The following ZNF782 variants were observed in gnomAD, a reference collection of about 807,000 sequenced individuals.
ZNF782 encodes the protein zinc finger protein 782.
Under a neutral mutation model 13.0 loss-of-function variants are expected in ZNF782, and 12 were observed. The ratio of observed to expected loss-of-function variants is 0.92; its 90% CI spans 0.59 to 1.50. ZNF782 has a LOEUF of 1.50. Among genes scored for constraint, ZNF782 ranks in the 40% most tolerant of loss-of-function variants. The pLI, the probability that ZNF782 is intolerant of heterozygous loss-of-function variation, is 0.00. For missense variants in ZNF782, 770 were observed against 822.9 expected (o/e 0.94, Z 0.79); for synonymous variants, 284 against 283.0 (o/e 1.00, Z -0.04).
intron 5 of ZNF782, among the ~76,000 whole-genome samples, chr9:96,820,086 G>C (rs1200325185): frequency 1.3e-5 from 2 of 152,272 alleles, no homozygotes; most frequent in Non-Finnish European, 2.9e-5. Context: ...GTATACGTAA[G>C]AGCATTGGAT....
At chr9:96,867,857 T>C (rs1851778040) in intron 1 of ZNF782, among the ~76,000 whole-genome samples, 1 of 152,218 alleles carries the variant, frequency 6.6e-6, no homozygotes, top group African/African-American at 2.4e-5. Context: ...AGCAGCTGTG[T>C]CCTGTTTGGA....
rs1850178196 is a variant in ZNF782, at chr9:96,816,612, C to T, written c.*1311G>A. 1 of 152,116 alleles carries T rather than the reference C, an allele frequency of 6.6e-6. No homozygotes were observed. The highest frequency in any genetic ancestry group is 2.4e-5 in the African/African-American group (1 of 41,422). The allele number at this position is 152,116 out of a possible 1,614,324, so 9.4% of individuals were successfully genotyped here. Reference sequence around the variant, plus strand: ...ATATCTAGATAAAGGCTATTACTTACCTTTCTCAAATTGATAGATTTTCTC... The same window carrying T: ...ATATCTAGATAAAGGCTATTACTTATCTTTCTCAAATTGATAGATTTTCTC... On this transcript the variant is annotated 3_prime_UTR_variant, in exon 6 of 6. Coordinates refer to ENST00000481138, the MANE Select transcript of ZNF782 (RefSeq NM_001001662.3).
At chr9:96,879,868 ATTTT>A (rs561959791), upstream of ZNF782, among the ~76,000 whole-genome samples, 2 of 151,384 alleles carry the variant, frequency 1.3e-5, no homozygotes, top group Admixed American at 6.6e-5. Flanking sequence ...TCGTTTTAGG[ATTTT>A]TTTTTGTTTT....
intron 4 of ZNF782, among the ~76,000 whole-genome samples, chr9:96,829,028 C>T (rs558267181): frequency 1.4e-5 from 2 of 139,608 alleles, no homozygotes; most frequent in East Asian, 4.2e-4. Context: ...TTTTAAAGTA[C>T]TTAAAGAAAA....
chr9:96,833,096 T>G (rs973375908), intron 4 of ZNF782, among the ~76,000 whole-genome samples: 1 of 152,196 alleles, frequency 6.6e-6, no homozygotes, highest in African/African-American at 2.4e-5. Context: ...GCACATGTAA[T>G]GATTTTTTAA....
the ZNF782 span, among the ~76,000 whole-genome samples, chr9:96,911,850 G>GT: frequency 2.0e-5 from 3 of 152,116 alleles, no homozygotes; most frequent in African/African-American, 7.2e-5. Context: ...CACCATTGCA[G>GT]TAACTTTTTT....
the ZNF782 span, among the ~76,000 whole-genome samples, chr9:96,899,684 G>A: frequency 6.6e-6 from 1 of 152,314 alleles, no homozygotes; most frequent in Non-Finnish European, 1.5e-5. Flanking sequence ...GAGACTGGCA[G>A]GGAAAAGCAG....
chr9:96,888,226 A>G, the ZNF782 span: 4 of 152,220 alleles, frequency 2.6e-5, no homozygotes, highest in Admixed American at 2.6e-4. Flanking sequence ...CCATGCAAAT[A>G]TTAACTTAAA....
At chr9:96,877,362 A>G (rs1474282193), upstream of ZNF782, among the ~76,000 whole-genome samples, 2 of 152,224 alleles carry the variant, frequency 1.3e-5, no homozygotes, top group Non-Finnish European at 2.9e-5. Flanking sequence ...GGACGCGCCC[A>G]GACGTAGAGG....
the ZNF782 span, chr9:96,928,175 T>C: frequency 6.2e-6 from 1 of 160,492 alleles, no homozygotes; most frequent in Non-Finnish European, 1.4e-5. Flanking sequence ...GCAAAAGTAT[T>C]GCTTAGTTAA....
intron 1 of ZNF782, among the ~76,000 whole-genome samples, chr9:96,863,114 C>CA: frequency 6.6e-6 from 1 of 151,924 alleles, no homozygotes. Flanking sequence ...CAACAAAGTA[C>CA]TTAACATACA....
chr9:96,864,074 C>T (rs1379341638), intron 1 of ZNF782, among the ~76,000 whole-genome samples: 1 of 149,798 alleles, frequency 6.7e-6, no homozygotes, highest in Non-Finnish European at 1.5e-5. Flanking sequence ...TATACACATA[C>T]ATACACACAC....
upstream of ZNF782, among the ~76,000 whole-genome samples, chr9:96,878,989 A>T (rs915877162): frequency 6.6e-6 from 1 of 152,152 alleles, no homozygotes; most frequent in Non-Finnish European, 1.5e-5. Flanking sequence ...TGCACCATAA[A>T]TTTCTTTTAA....
chr9:96,875,644 G>A (rs1851883652), upstream of ZNF782: 1 of 454,470 alleles, frequency 2.2e-6, no homozygotes, highest in Non-Finnish European at 4.4e-6. Context: ...TCCTAAAGGG[G>A]GCGCAGCTCC....
chr9:96,910,210 G>T, the ZNF782 span: 4,051 of 758,312 alleles, frequency 5.3e-3, 53 homozygotes, highest in Non-Finnish European at 6.4e-3. Flanking sequence ...AAAATGGGGA[G>T]CAGGAGGCTG....
upstream of ZNF782, among the ~76,000 whole-genome samples, chr9:96,879,575 C>T (rs567303481): frequency 6.6e-6 from 1 of 152,112 alleles, no homozygotes; most frequent in Non-Finnish European, 1.5e-5. Context: ...AAAGCCTGGG[C>T]AGAGTTGGTG....
At chr9:96,853,316 C>T (rs1011323100) in intron 1 of ZNF782, among the ~76,000 whole-genome samples, 7 of 152,282 alleles carry the variant, frequency 4.6e-5, no homozygotes, top group Admixed American at 4.6e-4. Context: ...TCAAGAACTG[C>T]TTCTGACCAT....
chr9:96,833,052 A>G (rs1792232181), intron 4 of ZNF782, among the ~76,000 whole-genome samples: 1 of 152,136 alleles, frequency 6.6e-6, no homozygotes, highest in African/African-American at 2.4e-5. Flanking sequence ...AAGTTCAGCA[A>G]TTCTTCTCTC....
At chr9:96,854,923 A>T (rs115500112), upstream of ZNF782, among the ~76,000 whole-genome samples, 296 of 149,560 alleles carry the variant, frequency 2.0e-3, 2 homozygotes, top group African/African-American at 6.3e-3. Flanking sequence ...TTTTTTTTTA[A>T]AAAAAGGGAT....
Sources: allele counts gnomAD v4.1 joint callset (sites outside exome capture counted in the v4.1 genomes callset), GRCh38; gene constraint gnomAD v4.1.1; transcripts MANE v1.5; gene names NCBI Gene and HGNC (gene_info 2026-07-23, HGNC 2026-07-21).